SELE: variants seen among roughly 807,000 people sequenced by gnomAD.
SELE encodes selectin E.
SELE carries 52 observed loss-of-function variants against 75.8 expected under a neutral mutation model. That is an observed-to-expected ratio of 0.69 (90% CI 0.55 to 0.86). SELE has a LOEUF of 0.86. Ranked by LOEUF, SELE falls within the 40% of genes least tolerant of loss-of-function variation. The probability of loss-of-function intolerance (pLI) is 0.00; values close to 1 mark genes in which losing one functional copy is unlikely to be tolerated. For synonymous variants in SELE, 285 were observed against 258.7 expected, an observed-to-expected ratio of 1.10 and a Z score of -0.98; for missense variants, 754 against 732.7, an observed-to-expected ratio of 1.03 and a Z score of -0.34.
Position 169,732,721 on chromosome 1 carries a change from C to T in SELE, c.315G>A (p.Arg105=), listed in dbSNP as rs759912786. The change falls in exon 3 of 14, where the codon AGG becomes AGA. Residue 105 remains arginine (R), a synonymous_variant. Transcript: ENST00000333360. Reference sequence around the variant, plus strand: ...TCTCCACGCAGTCCTCATCTTTTTGCCTATTGTTGGGTTCACCTGGAGCCC... The same window carrying T: ...TCTCCACGCAGTCCTCATCTTTTTGTCTATTGTTGGGTTCACCTGGAGCCC... ...KNWAPGEPNN[R]QKDEDCVEIY... is the part of the protein sequence containing the mutation. 1.2e-5 allele frequency: 19 copies of T among 1,611,862 alleles called. No individual in the cohort carries two copies. In the East Asian group the frequency reaches 3.8e-4, roughly 32 times the overall value.
chr1:169,725,095 A>G (rs1391344460), intron 13 of SELE, among the ~76,000 whole-genome samples: 4 of 152,326 alleles, frequency 2.6e-5, no homozygotes, highest in African/African-American at 9.6e-5. Context: ...GTGATAAGAA[A>G]TAAAGTAACA....
In SELE at chr1:169,725,795, G is replaced by T. The variant is rs1002801818; in HGVS notation, c.1782C>A (p.Cys594Ter). The change falls in exon 13 of 14, where the codon TGC becomes TGA. Residue 594 changes from cysteine to a stop codon, truncating the protein, a stop_gained. Transcript: ENST00000333360. LOFTEE classifies it high-confidence loss of function. ...KAKKFVPASS[C>*]QSLESDGSYQ... ...AGCTTCCATCTGATTCAAGGCTTTG[G>T]CAGCTGCTGTGGAATACATGAGAAC... The T allele has an allele frequency of 8.7e-6, 14 of 1,613,936 alleles. No homozygotes were observed. The highest frequency in any genetic ancestry group is 5.0e-5 in the Admixed American group (3 of 60,000).
chr1:169,732,504 A>G, intron 3 of SELE, 111 bp downstream of exon 3: 1 of 1,322,216 alleles, frequency 7.6e-7, no homozygotes. Flanking sequence ...GTTAAACAGA[A>G]TCTTTTGGAA....
In SELE at chr1:169,729,284, C is replaced by T; in HGVS notation, c.992G>A (p.Cys331Tyr). ...PAGEFTFKSS[C>Y]NFTCEEGFML... ...GAAGCCTTCCTCACAGGTGAAGTTG[C>T]AGGATGATTTGAAGGTGAACTCTCC... The change falls in exon 7 of 14, where the codon TGC (cysteine) becomes TAC (tyrosine). Residue 331 changes from cysteine (C) to tyrosine (Y), a missense_variant. Physicochemically the swap from Cys to Tyr is radical, Grantham distance 194. Transcript: ENST00000333360. 10 of 1,614,082 alleles carry T rather than the reference C, an allele frequency of 6.2e-6. No individual in the cohort carries two copies. Among genetic ancestry groups the T allele is most frequent in the Non-Finnish European group, 8.5e-6 (10 of 1,179,990 alleles).
In SELE at chr1:169,726,690, C is replaced by T. The variant is rs780088520; in HGVS notation, c.1753+9G>A. 1.3e-6 allele frequency: 2 copies of T among 1,586,854 alleles called. No homozygotes were observed. Among genetic ancestry groups the T allele is most frequent in the Non-Finnish European group, 8.7e-7 (1 of 1,155,992 alleles). On this transcript the variant is annotated intron_variant, in intron 11 of 13. Coordinates refer to ENST00000333360, the MANE Select transcript of SELE (RefSeq NM_000450.2). ...AACATTTTTGAAGTACATTCATAAA[C>T]TTCCTCACCTTTCCGTAAGCATTTC...
chr1:169,727,685 A>G, intron 9 of SELE, 54 bp downstream of exon 9: 3 of 1,574,238 alleles, frequency 1.9e-6, no homozygotes, highest in Non-Finnish European at 2.6e-6. Context: ...CTAGGTTCAG[A>G]AACTTTATGA....
Position 169,726,733 on chromosome 1 carries a change from T to C in SELE, c.1719A>G (p.Pro573=). Residue 573 remains proline (P), a synonymous_variant, in exon 11 of 14, where the codon CCA becomes CCG. Coordinates refer to ENST00000333360, the MANE Select transcript of SELE (RefSeq NM_000450.2). ...AAGLSLLTLA[P]FLLWLRKCLR... ...AGCATTTCCGAAGCCAGAGGAGAAA[T>C]GGTGCTAATGTCAGGAGGGAGAGTC... The C allele has an allele frequency of 1.9e-6, 3 of 1,613,780 alleles. No homozygotes were observed. Among genetic ancestry groups the C allele is most frequent in the Non-Finnish European group, 2.5e-6 (3 of 1,179,846 alleles).
In SELE at chr1:169,729,366, A is replaced by G. The variant is rs1428417348; in HGVS notation, c.910T>C (p.Cys304Arg). 1.2e-6 allele frequency: 2 copies of G among 1,613,780 alleles called. No individual in the cohort carries two copies. Among genetic ancestry groups the G allele is most frequent in the Non-Finnish European group, 8.5e-7 (1 of 1,179,840 alleles). Reference protein sequence around the residue: ...NEKPTCKAVTCRAVRQPQNGS... With the variant: ...NEKPTCKAVTRRAVRQPQNGS... ...TTCTGAGGCTGGCGGACGGCCCTGC[A>G]TGTCACAGCTGTAACAAATATACGC... The change falls in exon 7 of 14, where the codon TGC becomes CGC. Residue 304 changes from cysteine (C) to arginine (R), a missense_variant. Coordinates refer to ENST00000333360, the MANE Select transcript of SELE (RefSeq NM_000450.2).
At chr1:169,731,800 T>C in intron 4 of SELE, 35 bp downstream of exon 4, 1 of 1,432,560 alleles carries the variant, frequency 7.0e-7, no homozygotes, top group Non-Finnish European at 9.8e-7. Context: ...GGTGCTACCA[T>C]CTCAAGTGAA....
At chr1:169,732,474 A>G in intron 3 of SELE, 141 bp downstream of exon 3, 1 of 1,017,270 alleles carries the variant, frequency 9.8e-7, no homozygotes, top group Non-Finnish European at 1.4e-6. Flanking sequence ...ACAAAACAGC[A>G]AAAGAGAGAA....
At position 169,723,982 on chromosome 1, in the gene SELE, C is replaced by A. The variant is rs1161246689; in HGVS notation, c.*543G>T. ...ACAGAGCATTCAGTAGGATTTGCAC[C>A]ATTAACAACCCTCCATGCATTTGCC... On this transcript the variant is annotated 3_prime_UTR_variant, in exon 14 of 14. Coordinates refer to ENST00000333360, the MANE Select transcript of SELE (RefSeq NM_000450.2). 6.6e-6 allele frequency: 1 copy of A among 152,196 alleles called. No homozygotes were observed. The highest frequency in any genetic ancestry group is 2.4e-5 in the African/African-American group (1 of 41,442). 9.4% of individuals were successfully genotyped at this position (152,196 alleles called of 1,614,324 possible).
At position 169,732,770 on chromosome 1, in the gene SELE, G is replaced by A; in HGVS notation, c.266C>T (p.Pro89Leu). 6.2e-7 allele frequency: 1 copy of A among 1,614,018 alleles called. No individual in the cohort carries two copies. Reference sequence around the variant, plus strand: ...CCAGTTCTTGGCTTCTTCTGTCAGAGGTTTCTGGGTTCCTACCCAGACCCA... The same window carrying A: ...CCAGTTCTTGGCTTCTTCTGTCAGAAGTTTCTGGGTTCCTACCCAGACCCA... ...NVWVWVGTQK[P>L]LTEEAKNWAP... The change falls in exon 3 of 14, where the codon CCT (proline) becomes CTT (leucine). Residue 89 changes from proline to leucine, a missense_variant. Physicochemically the swap from Pro to Leu is moderately conservative, Grantham distance 98. Transcript: ENST00000333360.
At chr1:169,731,005 A>C (rs1648898416) in intron 4 of SELE, among the ~76,000 whole-genome samples, 1 of 152,246 alleles carries the variant, frequency 6.6e-6, no homozygotes, top group Admixed American at 6.5e-5. Flanking sequence ...CAGGATGAGA[A>C]CCATTCACAA....
chr1:169,723,495 G>C lies in SELE; in HGVS notation c.*1030C>G, dbSNP rs56134395. On this transcript the variant is annotated 3_prime_UTR_variant, in exon 14 of 14. Transcript: ENST00000333360. ...TGTGTTTGCATTTATGCTTTTATTA[G>C]TTCAAAACGTTTGGCCTCATGGAAG... is the stretch of plus-strand genomic sequence containing the variant. The C allele has an allele frequency of 6.6e-6, 1 of 152,068 alleles. No homozygotes were observed. The highest frequency in any genetic ancestry group is 2.1e-4 in the South Asian group (1 of 4,830). 9.4% of individuals were successfully genotyped at this position (152,068 alleles called of 1,614,324 possible). A position where few individuals can be genotyped will look rare whatever the true frequency, so the allele number is the denominator to read the frequency against.
In SELE at chr1:169,733,674, A is replaced by T; in HGVS notation, c.-48-14T>A. The T allele has an allele frequency of 6.7e-7, 1 of 1,502,588 alleles. No individual in the cohort carries two copies. The highest frequency in any genetic ancestry group is 9.3e-7 in the Non-Finnish European group (1 of 1,078,662). 93.1% of individuals were successfully genotyped at this position (1,502,588 alleles called of 1,614,324 possible). The stretch of plus-strand genomic sequence containing the variant: ...TGAAATACTTTCCTGGGGAGATAAA[A>T]CACAAAATGAATTAAAGAAGGAAAT... On this transcript the variant is annotated splice_polypyrimidine_tract_variant and intron_variant, in intron 1 of 13. Coordinates refer to ENST00000333360, the MANE Select transcript of SELE (RefSeq NM_000450.2).
chr1:169,729,399 T>C (rs1279177877), intron 6 of SELE, 25 bp from the exon 7 acceptor site: 1 of 1,611,036 alleles, frequency 6.2e-7, no homozygotes, highest in African/African-American at 1.3e-5. Context: ...CGCATTGATA[T>C]TAGCACGGCC....
chr1:169,733,950 T>C, intron 1 of SELE, 21 bp downstream of exon 1: 1 of 329,048 alleles, frequency 3.0e-6, no homozygotes, highest in Non-Finnish European at 5.7e-6. Flanking sequence ...AGGCTGCCCT[T>C]ATAAAGCGTT....
intron 4 of SELE, among the ~76,000 whole-genome samples, chr1:169,731,085 A>G (rs1281576700): frequency 1.3e-5 from 2 of 152,216 alleles, no homozygotes. Context: ...ACTGTCTACT[A>G]TAGTAGCCAC....
intron 3 of SELE, 21 bp from the exon 4 acceptor site, chr1:169,731,963 G>C (rs969065649): frequency 6.7e-7 from 1 of 1,495,196 alleles, no homozygotes. Context: ...TACAAAGCAT[G>C]ATGAGGAGGA....
Sources: gnomAD v4.1 joint callset for allele counts (sites outside exome capture counted in the v4.1 genomes callset) on GRCh38, gnomAD v4.1.1 for gene constraint, MANE v1.5 for transcripts, NCBI Gene and HGNC (gene_info 2026-07-23, HGNC 2026-07-21) for gene names.